The following PAWR variants were observed in gnomAD, a reference collection of about 807,000 sequenced individuals.
PAWR encodes pro-apoptotic WT1 regulator, also known as PRKC apoptosis WT1 regulator protein.
PAWR carries 23 observed loss-of-function variants against 32.0 expected under a neutral mutation model. The ratio of observed to expected loss-of-function variants is 0.72; its 90% confidence interval spans 0.52 to 1.02. PAWR has a LOEUF of 1.02. PAWR is among the 50% of genes least tolerant of loss of function. The probability of loss-of-function intolerance (pLI) is 0.00; values close to 1 mark genes in which losing one functional copy is unlikely to be tolerated. For synonymous variants in PAWR, 226 were observed against 187.1 expected (o/e 1.21, Z -1.70); for missense variants, 457 against 437.7 (o/e 1.04, Z -0.39).
chr12:79,638,896 A>ATTTTTT, intron 2 of PAWR, among the ~76,000 whole-genome samples: 5 of 10,012 alleles, frequency 5.0e-4, no homozygotes, highest in African/African-American at 7.2e-4. Context: ...ATATATATAT[A>ATTTTTT]TTTTTTTTTT....
chr12:79,631,394 T>C (rs1875617743), intron 2 of PAWR, among the ~76,000 whole-genome samples: 1 of 152,192 alleles, frequency 6.6e-6, no homozygotes, highest in Admixed American at 6.5e-5. Context: ...TATTCATAGA[T>C]GGCATTATCT....
At chr12:79,652,124 T>C (rs1007177740) in intron 2 of PAWR, among the ~76,000 whole-genome samples, 1 of 152,188 alleles carries the variant, frequency 6.6e-6, no homozygotes, top group African/African-American at 2.4e-5. Flanking sequence ...ACTAGATACG[T>C]AGTTTCAGTT....
At chr12:79,657,648 G>T (rs1371929677) in intron 2 of PAWR, among the ~76,000 whole-genome samples, 3 of 152,080 alleles carry the variant, frequency 2.0e-5, no homozygotes, top group Non-Finnish European at 4.4e-5. Flanking sequence ...AAAAAAATTA[G>T]CTGGGCGTGG....
At chr12:79,613,435 A>C (rs1809129421) in intron 4 of PAWR, 140 bp downstream of exon 4, 3 of 431,128 alleles carry the variant, frequency 7.0e-6, no homozygotes, top group Non-Finnish European at 1.3e-5. Flanking sequence ...ACTCCTGCTT[A>C]CAATATAATT....
intron 2 of PAWR, among the ~76,000 whole-genome samples, chr12:79,638,906 T>A (rs1435034728): frequency 0.011 from 304 of 28,302 alleles, no homozygotes; most frequent in African/African-American, 0.027. Context: ...ATTTTTTTTT[T>A]TTTTTTTTTT....
rs776469653 is a variant in PAWR, at chr12:79,596,619, A to G, written c.723T>C (p.Tyr241=). ...GGAACCCACTTCTATCTGTTCGAGA[A>G]TATCTACTTGAGACATCTTCTTCAG... ...SVSEEDVSSR[Y]SRTDRSGFPR... is the part of the protein sequence containing the mutation. The change falls in exon 5 of 7, where the codon TAT becomes TAC. Residue 241 remains tyrosine (Y), a synonymous_variant. Coordinates refer to ENST00000328827, the MANE Select transcript of PAWR (RefSeq NM_002583.4). 2 of 1,602,016 alleles carry G rather than the reference A, an allele frequency of 1.2e-6. No homozygotes were observed. Among genetic ancestry groups the G allele is most frequent in the Admixed American group, 1.7e-5 (1 of 59,038 alleles).
intron 2 of PAWR, among the ~76,000 whole-genome samples, chr12:79,663,191 C>T (rs1031674859): frequency 5.3e-5 from 8 of 152,156 alleles, no homozygotes; most frequent in African/African-American, 1.9e-4. Flanking sequence ...CAAAGAACAC[C>T]AGTTACTTAC....
intron 3 of PAWR, among the ~76,000 whole-genome samples, chr12:79,618,678 G>A (rs186963951): frequency 3.3e-5 from 5 of 152,126 alleles, no homozygotes; most frequent in Admixed American, 2.0e-4. Context: ...AGATCACTGC[G>A]ACAAAATGGA....
intron 2 of PAWR, among the ~76,000 whole-genome samples, chr12:79,661,767 C>A (rs893244609): frequency 6.6e-6 from 1 of 152,120 alleles, no homozygotes; most frequent in African/African-American, 2.4e-5. Flanking sequence ...TATGAAAAGT[C>A]TATGTGTCAT....
At position 79,621,117 on chromosome 12, in the gene PAWR, C is replaced by T. The variant is rs757225544; in HGVS notation, c.607G>A (p.Ala203Thr). 5.0e-6 allele frequency: 8 copies of T among 1,608,982 alleles called. No homozygotes were observed. Among genetic ancestry groups the T allele is most frequent in the Non-Finnish European group, 6.8e-6 (8 of 1,176,716 alleles). ...ITQQNTIQNE[A>T]VNLLDPGSSY... Reference sequence around the variant, plus strand: ...CTGCCTGGATCTAGTAAGTTTACAGCTTCATTCTGAATAGTGTTCTGTTGT... The same window carrying T: ...CTGCCTGGATCTAGTAAGTTTACAGTTTCATTCTGAATAGTGTTCTGTTGT... The change falls in exon 3 of 7, where the codon GCT (alanine) becomes ACT (threonine). Residue 203 changes from alanine (A) to threonine (T), a missense_variant. Ala to Thr is a moderately conservative substitution (Grantham distance 58). Coordinates refer to ENST00000328827, the MANE Select transcript of PAWR (RefSeq NM_002583.4).
chr12:79,634,754 A>C (rs1368810987), intron 2 of PAWR, among the ~76,000 whole-genome samples: 2 of 152,142 alleles, frequency 1.3e-5, no homozygotes, highest in African/African-American at 4.8e-5. Context: ...TAGAACACAG[A>C]ATTACTGAGA....
At chr12:79,652,416 C>G (rs1381971918) in intron 2 of PAWR, among the ~76,000 whole-genome samples, 1 of 152,102 alleles carries the variant, frequency 6.6e-6, no homozygotes, top group Non-Finnish European at 1.5e-5. Flanking sequence ...GCAATACAGA[C>G]CACAACCTGA....
intron 4 of PAWR, among the ~76,000 whole-genome samples, chr12:79,601,357 G>A (rs577066542): frequency 3.4e-4 from 51 of 151,714 alleles, no homozygotes; most frequent in South Asian, 6.3e-4. Context: ...CTACATGTGC[G>A]ACCATGCCCG....
chr12:79,628,322 T>G (rs1319826047), intron 2 of PAWR, among the ~76,000 whole-genome samples: 4 of 151,228 alleles, frequency 2.6e-5, no homozygotes, highest in Non-Finnish European at 5.9e-5. Context: ...TGTGTAGAGG[T>G]AAATTTATAG....
At position 79,589,346 on chromosome 12, in the gene PAWR, T is replaced by C. The variant is rs1365527722; in HGVS notation, c.*3261A>G. Reference sequence around the variant, plus strand: ...TTCAAGAAATTAAGTGGATTCAAAATCTTACATTTTTATTTCTAATTATAA... The same window carrying C: ...TTCAAGAAATTAAGTGGATTCAAAACCTTACATTTTTATTTCTAATTATAA... On this transcript the variant is annotated 3_prime_UTR_variant, in exon 7 of 7. Transcript: ENST00000328827. 1 of 152,048 alleles carries C rather than the reference T, an allele frequency of 6.6e-6. No individual in the cohort carries two copies. The highest frequency in any genetic ancestry group is 1.5e-5 in the Non-Finnish European group (1 of 67,938). The allele number at this position is 152,048 out of a possible 1,614,324, so 9.4% of individuals were successfully genotyped here.
chr12:79,622,019 CAAACAA>C (rs1251949416), intron 2 of PAWR, among the ~76,000 whole-genome samples: 2 of 151,486 alleles, frequency 1.3e-5, no homozygotes, highest in Non-Finnish European at 2.9e-5. Context: ...AACAAATAAA[CAAACAA>C]AAACAAAAAC....
In PAWR at chr12:79,689,999, G is replaced by A; in HGVS notation, c.246C>T (p.Ala82=). The change falls in exon 2 of 7, where the codon GCC becomes GCT. Residue 82 remains alanine, a synonymous_variant. Transcript: ENST00000328827. ...NLPGGAPAAP[A]VPGPGGVNCA... ...AGTTCACGCCCCCGGGACCGGGGAC[G>A]GCAGGTGCGGCCGGCGCGCCGCCCG... 1 of 1,306,704 alleles carries A rather than the reference G, an allele frequency of 7.7e-7. No individual in the cohort carries two copies. Among genetic ancestry groups the A allele is most frequent in the Non-Finnish European group, 9.7e-7 (1 of 1,033,726 alleles). 80.9% of individuals were successfully genotyped at this position (1,306,704 alleles called of 1,614,324 possible).
At position 79,690,332 on chromosome 12, in the gene PAWR, G is replaced by A. The variant is rs1878949747; in HGVS notation, c.-88C>T. The stretch of plus-strand genomic sequence containing the variant: ...TCCTCTTCCTTCCTGCGGCCCCGAG[G>A]ATGCCAGGAGACGACCTCCAGGAGA... On this transcript the variant is annotated 5_prime_UTR_variant, in exon 2 of 7. Coordinates refer to ENST00000328827, the MANE Select transcript of PAWR (RefSeq NM_002583.4). 3.7e-6 allele frequency: 5 copies of A among 1,359,330 alleles called. No individual in the cohort carries two copies. Among genetic ancestry groups the A allele is most frequent in the South Asian group, 1.7e-5 (1 of 58,930 alleles). 84.2% of individuals were successfully genotyped at this position (1,359,330 alleles called of 1,614,324 possible).
intron 4 of PAWR, among the ~76,000 whole-genome samples, chr12:79,610,463 C>G (rs1394365090): frequency 6.6e-6 from 1 of 152,056 alleles, no homozygotes; most frequent in Non-Finnish European, 1.5e-5. Context: ...ATGTTTTATT[C>G]AAATAAAGTA....
Sources: allele counts gnomAD v4.1 joint callset (sites outside exome capture counted in the v4.1 genomes callset), GRCh38; gene constraint gnomAD v4.1.1; transcripts MANE v1.5; gene names NCBI Gene and HGNC (gene_info 2026-07-23, HGNC 2026-07-21).